Variants in ACO2 observed in about 807,000 individuals in gnomAD.
ACO2 encodes aconitate hydratase, mitochondrial.
Under a neutral mutation model 84.5 loss-of-function variants are expected in ACO2, and 31 were observed. The observed-to-expected ratio is 0.37, with a 90% CI of 0.28 to 0.50. ACO2 has a LOEUF of 0.50. ACO2 is among the 20% of genes least tolerant of loss of function. ACO2 has a pLI of 0.97. For missense variants in ACO2, 685 were observed against 1,029.3 expected (o/e 0.67, Z 4.58); for synonymous variants, 414 against 412.7 (o/e 1.00, Z -0.04).
rs1425183663 is a variant in ACO2, at chr22:41,526,519, G to T, written c.1953+66G>T. 3.3e-5 allele frequency: 51 copies of T among 1,540,220 alleles called. 1 individual carries two copies. The highest frequency in any genetic ancestry group is 4.1e-5 in the Non-Finnish European group (47 of 1,136,028). ...TGAAGGGGCCTGCAAGGCAGGTGCA[G>T]GGAGGACATTAGGGGAGTGGAAACT... On this transcript the variant is annotated intron_variant, in intron 15 of 17. Coordinates refer to ENST00000216254, the MANE Select transcript of ACO2 (RefSeq NM_001098.3).
At chr22:41,507,324 A>G (rs2066400851) in intron 2 of ACO2, among the ~76,000 whole-genome samples, 2 of 152,196 alleles carry the variant, frequency 1.3e-5, no homozygotes, top group Admixed American at 1.3e-4. Flanking sequence ...CCTGTGCCTT[A>G]GTGGGGCTGA....
At chr22:41,499,076 G>A (rs1016771733) in intron 1 of ACO2, among the ~76,000 whole-genome samples, 17 of 150,912 alleles carry the variant, frequency 1.1e-4, no homozygotes, top group Non-Finnish European at 1.5e-4. Flanking sequence ...CCACCTGGGC[G>A]GCAAGACTCC....
intron 1 of ACO2, 50 bp downstream of exon 1, chr22:41,469,232 C>T (rs770393171): frequency 6.3e-7 from 1 of 1,586,576 alleles, no homozygotes; most frequent in South Asian, 1.1e-5. Context: ...GTGCCTCCTA[C>T]TGTGCCGGCG....
chr22:41,493,547 T>TG (rs1460977999), intron 1 of ACO2, among the ~76,000 whole-genome samples: 1 of 152,170 alleles, frequency 6.6e-6, no homozygotes, highest in Non-Finnish European at 1.5e-5. Context: ...ACTTTTTTGT[T>TG]GCAATGAGCA....
rs539853510 is a variant in ACO2, at chr22:41,523,381, A to G, written c.1370+103A>G. On this transcript the variant is annotated intron_variant, in intron 11 of 17. Transcript: ENST00000216254. ...GGGGTGGAGAGAAGAGACTCCAGCC[A>G]AGGTCTCTAGCTCCAGGGACTCTTG... is the stretch of plus-strand genomic sequence containing the variant. 2.9e-4 allele frequency: 256 copies of G among 881,430 alleles called. No homozygotes were observed. The African/African-American group carries it at 3.4e-3, about 12-fold the overall frequency. 54.6% of individuals were successfully genotyped at this position (881,430 alleles called of 1,614,324 possible).
intron 7 of ACO2, 145 bp downstream of exon 7, chr22:41,517,776 A>G: frequency 2.9e-6 from 2 of 684,148 alleles, no homozygotes; most frequent in South Asian, 3.4e-5. Flanking sequence ...AAAGCCCTGA[A>G]GAGGTGCAAT....
At chr22:41,482,561 AGTT>A (rs1346132951) in intron 1 of ACO2, among the ~76,000 whole-genome samples, 1 of 152,200 alleles carries the variant, frequency 6.6e-6, no homozygotes, top group Non-Finnish European at 1.5e-5. Context: ...AAAATTAGGA[AGTT>A]GTTTTGTGGC....
intron 4 of ACO2, among the ~76,000 whole-genome samples, chr22:41,513,025 C>A (rs143174549): frequency 0.015 from 2,304 of 152,308 alleles, 19 homozygotes; most frequent in Non-Finnish European, 0.023. Flanking sequence ...CGCTCTGAAA[C>A]CAGAGCCAGC....
rs935210133 is a variant in ACO2, at chr22:41,520,912, G to A, written c.1138+636G>A. 4.6e-5 allele frequency among the ~76,000 whole-genome samples: 7 copies of A among 151,540 alleles called. 1 individual carries two copies. Among genetic ancestry groups the A allele is most frequent in the South Asian group, 4.2e-4 (2 of 4,806 alleles). ...AGTCCTAGCTACTCAGGAGGCTAAG[G>A]TGGGAGGATCACTTGAGTCCTGGAG... On this transcript the variant is annotated intron_variant, in intron 9 of 17. Coordinates refer to ENST00000216254, the MANE Select transcript of ACO2 (RefSeq NM_001098.3).
chr22:41,501,930 T>G (rs1451746123), intron 2 of ACO2, among the ~76,000 whole-genome samples: 1 of 152,122 alleles, frequency 6.6e-6, no homozygotes, highest in East Asian at 1.9e-4. Flanking sequence ...GTACCCACCT[T>G]GTTGTCCAGT....
chr22:41,480,966 CTAATTTTTG>C (rs1420641642), intron 1 of ACO2, among the ~76,000 whole-genome samples: 1 of 152,052 alleles, frequency 6.6e-6, no homozygotes, highest in Non-Finnish European at 1.5e-5. Context: ...TAGACACAGG[CTAATTTTTG>C]TATTTTTTTG....
chr22:41,513,730 C>G (rs1802562422), intron 4 of ACO2, among the ~76,000 whole-genome samples: 1 of 152,346 alleles, frequency 6.6e-6, no homozygotes, highest in African/African-American at 2.4e-5. Context: ...CAGAGCAGGT[C>G]CTTAATGTAT....
intron 1 of ACO2, among the ~76,000 whole-genome samples, chr22:41,498,461 G>A (rs1326049090): frequency 6.6e-6 from 1 of 152,222 alleles, no homozygotes; most frequent in Non-Finnish European, 1.5e-5. Context: ...GAGTGGCTTG[G>A]CTGGGTGGTT....
At chr22:41,520,503 C>T (rs2066515352) in intron 9 of ACO2, among the ~76,000 whole-genome samples, 1 of 151,958 alleles carries the variant, frequency 6.6e-6, no homozygotes, top group African/African-American at 2.4e-5. Flanking sequence ...TCTAGGGGTT[C>T]AAGACCAGCC....
intron 1 of ACO2, among the ~76,000 whole-genome samples, chr22:41,480,453 T>G (rs2038073601): frequency 6.6e-6 from 1 of 152,126 alleles, no homozygotes; most frequent in Admixed American, 6.6e-5. Context: ...GTCCTGGTGC[T>G]TGGGACCTGC....
At chr22:41,527,831 G>T in intron 16 of ACO2, 70 bp from the exon 17 acceptor site, 1 of 1,611,330 alleles carries the variant, frequency 6.2e-7, no homozygotes, top group East Asian at 2.2e-5. Flanking sequence ...CAGAGCCCCA[G>T]ATGGGTTCAG....
intron 13 of ACO2, 26 bp downstream of exon 13, chr22:41,524,994 T>C: frequency 6.2e-7 from 1 of 1,614,102 alleles, no homozygotes; most frequent in South Asian, 1.1e-5. Flanking sequence ...CCCTGCTTGC[T>C]GGTTGCTGTG....
In ACO2 at chr22:41,523,003, C is replaced by T. The variant is rs1314023098; in HGVS notation, c.1296+16C>T. 1.2e-6 allele frequency: 2 copies of T among 1,613,460 alleles called. No individual in the cohort carries two copies. The highest frequency in any genetic ancestry group is 1.7e-6 in the Non-Finnish European group (2 of 1,179,556). ...GGACGGCTATGTGAGTGCCCATATCCCCCTGCCCATCTCCCCCACCCCATG... is the reference window on the plus strand; with the variant it reads ...GGACGGCTATGTGAGTGCCCATATCTCCCTGCCCATCTCCCCCACCCCATG... On this transcript the variant is annotated intron_variant, in intron 10 of 17. Coordinates refer to ENST00000216254, the MANE Select transcript of ACO2 (RefSeq NM_001098.3).
intron 1 of ACO2, among the ~76,000 whole-genome samples, chr22:41,481,825 T>A (rs926216392): frequency 6.6e-6 from 1 of 152,198 alleles, no homozygotes; most frequent in Non-Finnish European, 1.5e-5. Context: ...TTCTTGAACT[T>A]CTTCTATGTG....
Sources: allele counts gnomAD v4.1 joint callset (sites outside exome capture counted in the v4.1 genomes callset), GRCh38; gene constraint gnomAD v4.1.1; transcripts MANE v1.5; gene names NCBI Gene and HGNC (gene_info 2026-07-23, HGNC 2026-07-21).